Variants in CD109 observed in about 807,000 individuals in gnomAD.
CD109 encodes CD109 antigen.
Under a neutral mutation model 165.8 loss-of-function variants are expected in CD109, and 149 were observed. That is an observed-to-expected ratio of 0.90 (90% CI 0.79 to 1.03). The LOEUF is 1.03. CD109 is among the 50% of genes least tolerant of loss of function. The probability of loss-of-function intolerance (pLI) is 0.00; values close to 1 mark genes in which losing one functional copy is unlikely to be tolerated. For synonymous variants in CD109, 585 were observed against 592.1 expected, an observed-to-expected ratio of 0.99 and a Z score of 0.18; for missense variants, 1,712 against 1,677.8, an observed-to-expected ratio of 1.02 and a Z score of -0.36.
At position 73,805,690 on chromosome 6, in the gene CD109, A is replaced by G. The variant is rs370769201; in HGVS notation, c.2961-1154A>G. ...GGCTTTCCTAGGCAGAGGTCCCTGC[A>G]GCCTTCCGCAGTGTTTGTGTCCCTG... On this transcript the variant is annotated intron_variant, in intron 24 of 32. Transcript: ENST00000287097. Among the ~76,000 whole-genome samples, 84 of 152,282 alleles carry G rather than the reference A, an allele frequency of 5.5e-4. 1 individual carries two copies. Among genetic ancestry groups the G allele is most frequent in the African/African-American group, 1.9e-3 (80 of 41,554 alleles).
chr6:73,755,980 A>G (rs1773374596), intron 5 of CD109, among the ~76,000 whole-genome samples: 1 of 152,078 alleles, frequency 6.6e-6, no homozygotes, highest in African/African-American at 2.4e-5. Flanking sequence ...AAACAAAAAC[A>G]AAAGCAACAA....
intron 2 of CD109, among the ~76,000 whole-genome samples, chr6:73,715,103 A>C (rs1221754569): frequency 6.6e-6 from 1 of 152,142 alleles, no homozygotes; most frequent in Admixed American, 6.5e-5. Context: ...TACTAAAAAC[A>C]CAAAAAATTA....
Position 73,736,503 on chromosome 6 carries a change from G to A in CD109, c.628G>A (p.Val210Met). The change falls in exon 5 of 33, where the codon GTG becomes ATG. Residue 210 changes from valine to methionine, a missense_variant. By Grantham distance (21) the Val-to-Met change is conservative. Transcript: ENST00000287097. ...ILGDWSIQVQ[V>M]NDQTYYQSFQ... ...TGGTGACTGGTCTATTCAAGTTCAA[G>A]TGAATGTGAGTATAAATATATTTTT... 2.5e-6 allele frequency: 4 copies of A among 1,608,678 alleles called. No homozygotes were observed. The highest frequency in any genetic ancestry group is 3.4e-6 in the Non-Finnish European group (4 of 1,177,954).
At chr6:73,740,271 C>T (rs1018397655) in intron 5 of CD109, among the ~76,000 whole-genome samples, 2 of 152,126 alleles carry the variant, frequency 1.3e-5, no homozygotes, top group African/African-American at 4.8e-5. Context: ...TAAGAATTAC[C>T]GGAGTTATCA....
chr6:73,794,163 T>A (rs1354402953), intron 23 of CD109, among the ~76,000 whole-genome samples: 1 of 152,224 alleles, frequency 6.6e-6, no homozygotes, highest in East Asian at 1.9e-4. Context: ...TTCATTTAAT[T>A]CTCACAAAAA....
At chr6:73,762,674 TTGAG>T in intron 8 of CD109, 63 bp from the exon 9 acceptor site, 2 of 1,311,632 alleles carry the variant, frequency 1.5e-6, no homozygotes, top group Non-Finnish European at 2.1e-6. Flanking sequence ...GTGACTTAGT[TTGAG>T]TTTTATTTCT....
chr6:73,756,471 G>T (rs1175020789), intron 5 of CD109, among the ~76,000 whole-genome samples, 172 bp from the exon 6 acceptor site: 3 of 152,124 alleles, frequency 2.0e-5, no homozygotes, highest in Non-Finnish European at 4.4e-5. Context: ...TCATGTTGCA[G>T]TTGTCTACAA....
At chr6:73,701,576 G>A (rs888020802) in intron 2 of CD109, among the ~76,000 whole-genome samples, 3 of 152,078 alleles carry the variant, frequency 2.0e-5, no homozygotes, top group Admixed American at 1.3e-4. Flanking sequence ...CCTCTCATCT[G>A]TTAAGGCATA....
At chr6:73,779,935 A>G (rs1171308177) in intron 15 of CD109, among the ~76,000 whole-genome samples, 1 of 151,358 alleles carries the variant, frequency 6.6e-6, no homozygotes, top group East Asian at 1.9e-4. Flanking sequence ...TGTCATTTGC[A>G]TTGCTTTGAT....
At chr6:73,762,558 T>A in intron 8 of CD109, 78 bp downstream of exon 8, 2 of 1,100,968 alleles carry the variant, frequency 1.8e-6, no homozygotes, top group Admixed American at 4.7e-5. Context: ...TAGTACTGAA[T>A]TAACAAAAAG....
intron 5 of CD109, among the ~76,000 whole-genome samples, chr6:73,739,742 G>C (rs2150191979): frequency 6.6e-6 from 1 of 152,188 alleles, no homozygotes; most frequent in Admixed American, 6.5e-5. Context: ...CAGCTACTCG[G>C]GAGGCTGAGG....
intron 23 of CD109, among the ~76,000 whole-genome samples, chr6:73,798,287 G>A (rs1048010822): frequency 3.9e-5 from 6 of 151,926 alleles, no homozygotes; most frequent in Non-Finnish European, 8.8e-5. Context: ...GCTAATTTTT[G>A]TATTTTTAGT....
chr6:73,812,814 C>G (rs1002723243), intron 29 of CD109, among the ~76,000 whole-genome samples: 1 of 151,990 alleles, frequency 6.6e-6, no homozygotes, highest in Non-Finnish European at 1.5e-5. Context: ...AGATAATCAT[C>G]ACACTAAATA....
chr6:73,756,156 A>G (rs578184703), intron 5 of CD109, among the ~76,000 whole-genome samples: 3 of 152,342 alleles, frequency 2.0e-5, no homozygotes, highest in Non-Finnish European at 2.9e-5. Context: ...AAAGTGAGGC[A>G]TGTTGTTCTA....
chr6:73,695,786 T>G, upstream of CD109: 1 of 211,304 alleles, frequency 4.7e-6, no homozygotes, highest in Non-Finnish European at 9.5e-6. Context: ...CCACTTCACA[T>G]AGTTGCTATG....
chr6:73,684,542 A>C, the CD109 span, among the ~76,000 whole-genome samples: 2 of 151,024 alleles, frequency 1.3e-5, no homozygotes. Flanking sequence ...TTTTTTGATG[A>C]TATCCATTTT....
At chr6:73,804,119 C>T (rs1338167000) in intron 24 of CD109, 3 of 152,302 alleles carry the variant, frequency 2.0e-5, no homozygotes, top group African/African-American at 7.2e-5. Context: ...CTTCTCAGAG[C>T]TGGTCACATG....
At chr6:73,814,455 T>C (rs61559613) in intron 29 of CD109, among the ~76,000 whole-genome samples, 13,346 of 152,154 alleles carry the variant, frequency 0.088, 1,209 homozygotes, top group African/African-American at 0.23. Flanking sequence ...GAGTAGATGC[T>C]GAGAAAGACC....
intron 2 of CD109, among the ~76,000 whole-genome samples, chr6:73,701,816 T>G (rs1300493760): frequency 6.6e-6 from 1 of 152,146 alleles, no homozygotes; most frequent in Non-Finnish European, 1.5e-5. Context: ...GTGCAGTGGC[T>G]CACAACCGTA....
Sources: gnomAD v4.1 joint callset for allele counts (sites outside exome capture counted in the v4.1 genomes callset) on GRCh38, gnomAD v4.1.1 for gene constraint, MANE v1.5 for transcripts, NCBI Gene and HGNC (gene_info 2026-07-23, HGNC 2026-07-21) for gene names.